Variants in TRPC1 observed in about 807,000 individuals in gnomAD.
The protein encoded by TRPC1 is short transient receptor potential channel 1.
TRPC1 carries 42 observed loss-of-function variants against 88.2 expected under a neutral mutation model. The ratio of observed to expected loss-of-function variants is 0.48; its 90% CI spans 0.37 to 0.62. The LOEUF (loss-of-function observed/expected upper bound fraction) is 0.62. Ranked by LOEUF, TRPC1 falls within the 20% of genes least tolerant of loss-of-function variation. TRPC1 has a pLI of 0.00. For missense variants in TRPC1, 699 were observed against 957.3 expected (o/e 0.73, Z 3.56); for synonymous variants, 288 against 331.8 (o/e 0.87, Z 1.43).
At position 142,806,217 on chromosome 3, in the gene TRPC1, G is replaced by T. The variant is rs202144242; in HGVS notation, c.2364G>T (p.Met788Ile). Residue 788 changes from methionine (M) to isoleucine (I), a missense_variant, in exon 13 of 13, where the codon ATG (methionine) becomes ATT (isoleucine). Physicochemically the swap from Met to Ile is conservative, Grantham distance 10. Coordinates refer to ENST00000476941, the MANE Select transcript of TRPC1 (RefSeq NM_001251845.2). ...LLGFRTSKYA[M>I]FYPRN ...GCTTTCGGACTTCTAAATATGCTAT[G>T]TTTTATCCAAGAAATTAACCATTTT... The T allele has an allele frequency of 3.5e-5, 56 of 1,602,214 alleles. No homozygotes were observed. The highest frequency in any genetic ancestry group is 3.3e-4 in the Middle Eastern group (2 of 6,010).
At chr3:142,793,691 T>A (rs1936365168) in intron 9 of TRPC1, 1 of 317,810 alleles carries the variant, frequency 3.1e-6, no homozygotes, top group Non-Finnish European at 4.5e-6. Context: ...TCAACTCTGC[T>A]AGCTCTATGT....
intron 10 of TRPC1, 78 bp downstream of exon 10, chr3:142,802,422 T>C (rs1165985853): frequency 1.6e-5 from 17 of 1,040,410 alleles, no homozygotes; most frequent in Non-Finnish European, 2.0e-5. Flanking sequence ...TTAGTATCTA[T>C]AGAAATGGAA....
intron 2 of TRPC1, among the ~76,000 whole-genome samples, chr3:142,738,578 G>A (rs1934226724): frequency 6.6e-6 from 1 of 152,114 alleles, no homozygotes; most frequent in Admixed American, 6.6e-5. Context: ...ATTTGGCAAT[G>A]TCTGAAGATA....
At chr3:142,766,036 T>TA (rs141184123) in intron 4 of TRPC1, among the ~76,000 whole-genome samples, 6,908 of 143,448 alleles carry the variant, frequency 0.048, 188 homozygotes, top group Middle Eastern at 0.15. Context: ...TATTAAGAAG[T>TA]AAAAAAAAAA....
At chr3:142,758,963 A>G (rs1935083227) in intron 4 of TRPC1, among the ~76,000 whole-genome samples, 1 of 151,806 alleles carries the variant, frequency 6.6e-6, no homozygotes, top group Non-Finnish European at 1.5e-5. Context: ...GCTCAGAATG[A>G]TGGTTTCCAG....
chr3:142,764,241 T>C (rs1189722374), intron 4 of TRPC1, among the ~76,000 whole-genome samples: 1 of 151,996 alleles, frequency 6.6e-6, no homozygotes, highest in Non-Finnish European at 1.5e-5. Flanking sequence ...ATTATTGTTT[T>C]TGATAAACTT....
chr3:142,788,860 A>G (rs997501417), intron 7 of TRPC1, among the ~76,000 whole-genome samples: 8 of 152,156 alleles, frequency 5.3e-5, no homozygotes, highest in African/African-American at 1.7e-4. Context: ...GAAACATGCA[A>G]TACATCAAGT....
intron 4 of TRPC1, among the ~76,000 whole-genome samples, chr3:142,775,763 A>G (rs1215645370): frequency 1.3e-5 from 2 of 152,260 alleles, no homozygotes; most frequent in African/African-American, 4.8e-5. Context: ...TTACAGAGGA[A>G]GAAGTATAAA....
At chr3:142,725,050 G>T (rs1347087941) in intron 1 of TRPC1, among the ~76,000 whole-genome samples, 1 of 152,206 alleles carries the variant, frequency 6.6e-6, no homozygotes, top group Non-Finnish European at 1.5e-5. Flanking sequence ...CTGACCGCAT[G>T]AATGACCTGG....
chr3:142,779,651 T>TA (rs1448481658), intron 5 of TRPC1, among the ~76,000 whole-genome samples: 2 of 152,162 alleles, frequency 1.3e-5, no homozygotes, highest in African/African-American at 4.8e-5. Context: ...AAGTTATGAT[T>TA]TTTATATAGC....
chr3:142,790,118 A>G lies in TRPC1; in HGVS notation c.1298-901A>G, dbSNP rs563633556. 5.5e-4 allele frequency among the ~76,000 whole-genome samples: 83 copies of G among 152,248 alleles called. 3 individuals are homozygous for G. The highest frequency in any genetic ancestry group is 3.4e-3 in the Middle Eastern group (1 of 294). ...GTCAGGAAGGGTGATGAGCAAAGAC[A>G]TGAAAAAGTGAGGTAGTTAGTCAAA... On this transcript the variant is annotated intron_variant, in intron 7 of 12. Transcript: ENST00000476941.
At chr3:142,765,097 G>A (rs1414900618) in intron 4 of TRPC1, among the ~76,000 whole-genome samples, 1 of 151,918 alleles carries the variant, frequency 6.6e-6, no homozygotes, top group Non-Finnish European at 1.5e-5. Context: ...AAATATGTAA[G>A]AATACAGCTA....
rs1935417750 is a variant in TRPC1, at chr3:142,767,015, G to C, written c.633-10617G>C. On this transcript the variant is annotated intron_variant, in intron 4 of 12. Transcript: ENST00000476941. This position sits in a 1 kb window ranked among gnomAD's most constrained non-coding sequence, Gnocchi z 5.1. ...AAAACATCTGCTTAGATTTTTGAGA[G>C]AGATTGTGTTGAATCATTTAGGCAG... 6.6e-6 allele frequency among the ~76,000 whole-genome samples: 1 copy of C among 152,126 alleles called. No homozygotes were observed. Among genetic ancestry groups the C allele is most frequent in the South Asian group, 2.1e-4 (1 of 4,822 alleles).
rs1936332909 is a variant in TRPC1 at position 142,792,871 on chromosome 3, A to G, written c.1485A>G (p.Thr495=). The change falls in exon 9 of 13, where the codon ACA becomes ACG. Residue 495 remains threonine (T), a synonymous_variant. Coordinates refer to ENST00000476941, the MANE Select transcript of TRPC1 (RefSeq NM_001251845.2). The surrounding 1 kb of genome is among the most constrained non-coding windows in gnomAD (Gnocchi z 4.0). ...AGGATTGGGATGCATTCCATCCTAC[A>G]CTGGTGGCAGAAGGGCTTTTTGCAT... ...DRKDWDAFHP[T]LVAEGLFAFA... is the part of the protein sequence containing the mutation. 1.9e-6 allele frequency: 3 copies of G among 1,609,270 alleles called. No individual in the cohort carries two copies. Among genetic ancestry groups the G allele is most frequent in the African/African-American group, 1.3e-5 (1 of 74,540 alleles).
At chr3:142,782,678 A>T (rs1936000790) in intron 6 of TRPC1, among the ~76,000 whole-genome samples, 1 of 152,152 alleles carries the variant, frequency 6.6e-6, no homozygotes, top group Non-Finnish European at 1.5e-5. Flanking sequence ...TCTGAGCAGC[A>T]GCTGAGGCCT....
At position 142,802,336 on chromosome 3, in the gene TRPC1, C is replaced by G; in HGVS notation, c.1749C>G (p.Thr583=). 7.1e-7 allele frequency: 1 copy of G among 1,414,322 alleles called. No individual in the cohort carries two copies. Among genetic ancestry groups the G allele is most frequent in the African/African-American group, 1.5e-5 (1 of 67,644 alleles). 87.6% of individuals were successfully genotyped at this position (1,414,322 alleles called of 1,614,324 possible). A position where few individuals can be genotyped will look rare whatever the true frequency, so the allele number is the denominator to read the frequency against. ...TCTGTGAACAGCAAAGCAATGATAC[C>G]TTCCATTCGTGAGTATCTTTTAAAT... The part of the protein sequence containing the change: ...GIFCEQQSND[T]FHSFIGTCFA... The change falls in exon 10 of 13, where the codon ACC becomes ACG. Residue 583 remains threonine (T), a synonymous_variant. Transcript: ENST00000476941.
chr3:142,756,584 C>G (rs1385603420), intron 4 of TRPC1, among the ~76,000 whole-genome samples: 2 of 152,114 alleles, frequency 1.3e-5, no homozygotes, highest in East Asian at 1.9e-4. Flanking sequence ...TGGTCTCGAT[C>G]TCCTGACCTC....
intron 4 of TRPC1, among the ~76,000 whole-genome samples, chr3:142,757,067 A>G (rs955026841): frequency 6.6e-6 from 1 of 152,144 alleles, no homozygotes; most frequent in African/African-American, 2.4e-5. Flanking sequence ...ATTCTTTTCA[A>G]TGGCTGAATA....
intron 7 of TRPC1, among the ~76,000 whole-genome samples, chr3:142,790,197 C>T (rs1459670535): frequency 6.6e-6 from 1 of 151,994 alleles, no homozygotes; most frequent in Admixed American, 6.6e-5. Context: ...TATAAAGGCC[C>T]TAAAGGCAGG....
Sources: gnomAD v4.1 joint callset for allele counts (sites outside exome capture counted in the v4.1 genomes callset) on GRCh38, gnomAD v4.1.1 for gene constraint, Gnocchi (gnomAD v3.1) non-coding constraint, MANE v1.5 for transcripts, NCBI Gene and HGNC (gene_info 2026-07-23, HGNC 2026-07-21) for gene names.